Variants in GRK4 observed in about 807,000 individuals in gnomAD.
GRK4 encodes G protein-coupled receptor kinase 4, also known as G protein-coupled receptor kinase 2-like.
Under a neutral mutation model 77.9 loss-of-function variants are expected in GRK4, and 73 were observed. The ratio of observed to expected loss-of-function variants is 0.94; its 90% confidence interval spans 0.78 to 1.14. GRK4 has a LOEUF of 1.14. Ranked by LOEUF, GRK4 falls within the 50% of genes most tolerant of loss-of-function variation. The pLI, the probability that GRK4 is intolerant of heterozygous loss-of-function variation, is 0.00. For missense variants in GRK4, 729 were observed against 700.2 expected (o/e 1.04, Z -0.46); for synonymous variants, 257 against 254.4 (o/e 1.01, Z -0.10).
At chr4:3,022,500 A>C in intron 10 of GRK4, 49 bp downstream of exon 10, 1 of 1,533,642 alleles carries the variant, frequency 6.5e-7, no homozygotes, top group Non-Finnish European at 9.0e-7. Context: ...TGTTAGAGGG[A>C]CTTGGATACA....
intron 2 of GRK4, among the ~76,000 whole-genome samples, chr4:2,986,650 G>A (rs1057185158): frequency 1.3e-5 from 2 of 151,916 alleles, no homozygotes; most frequent in African/African-American, 4.8e-5. Context: ...CACCGCGCCT[G>A]GCCCTCAGTG....
intron 3 of GRK4, among the ~76,000 whole-genome samples, chr4:2,990,314 T>C (rs1323935480): frequency 6.8e-6 from 1 of 146,690 alleles, no homozygotes; most frequent in East Asian, 2.0e-4. Context: ...TGGAGTGCTA[T>C]GGCGTGATCC....
At chr4:2,970,374 T>C (rs968283325) in intron 1 of GRK4, among the ~76,000 whole-genome samples, 4 of 152,162 alleles carry the variant, frequency 2.6e-5, no homozygotes. Flanking sequence ...AAAATAATAT[T>C]CTTGGCCAGG....
intron 14 of GRK4, 100 bp downstream of exon 14, chr4:3,037,611 T>C: frequency 7.3e-7 from 1 of 1,361,526 alleles, no homozygotes; most frequent in South Asian, 1.5e-5. Context: ...CTGTGTGTAT[T>C]TGGGAGATAA....
At chr4:3,010,593 G>A (rs1732630789) in intron 7 of GRK4, among the ~76,000 whole-genome samples, 1 of 152,176 alleles carries the variant, frequency 6.6e-6, no homozygotes, top group African/African-American at 2.4e-5. Context: ...ATGGAGAACA[G>A]CAGCAGTTCT....
At chr4:3,005,624 G>A (rs1037342396) in intron 5 of GRK4, among the ~76,000 whole-genome samples, 3 of 152,052 alleles carry the variant, frequency 2.0e-5, no homozygotes, top group African/African-American at 7.2e-5. Context: ...CCCACATAGA[G>A]AAACCCCATC....
intron 4 of GRK4, among the ~76,000 whole-genome samples, chr4:2,994,897 C>T (rs935714421): frequency 6.6e-6 from 1 of 152,180 alleles, no homozygotes; most frequent in Admixed American, 6.6e-5. Context: ...AAGCTTAGCA[C>T]CCTTTAGTTA....
At position 3,035,501 on chromosome 4, in the gene GRK4, T is replaced by C. The variant is rs1413044830; in HGVS notation, c.1385T>C (p.Leu462Pro). The C allele has an allele frequency of 4.3e-6, 7 of 1,613,944 alleles. No individual in the cohort carries two copies. The highest frequency in any genetic ancestry group is 5.9e-6 in the Non-Finnish European group (7 of 1,179,928). Residue 462 changes from leucine (L) to proline (P), a missense_variant, in exon 13 of 16, where the codon CTG becomes CCG. Coordinates refer to ENST00000398052, the MANE Select transcript of GRK4 (RefSeq NM_182982.3). Reference protein sequence around the residue: ...INFRRLEANMLEPPFCPDPHA... With the variant: ...INFRRLEANMPEPPFCPDPHA... ...TTCAGGAGGCTGGAGGCAAACATGC[T>C]GGAGCCCCCTTTCTGTCCTGATGTA...
intron 8 of GRK4, among the ~76,000 whole-genome samples, chr4:3,015,573 G>T (rs1282439808): frequency 7.9e-5 from 12 of 151,880 alleles, no homozygotes; most frequent in Admixed American, 7.9e-4. Flanking sequence ...TACTCAGGAG[G>T]CTGAGGCAGG....
At chr4:2,993,412 G>A (rs113538937) in intron 4 of GRK4, among the ~76,000 whole-genome samples, 6,836 of 152,252 alleles carry the variant, frequency 0.045, 222 homozygotes, top group African/African-American at 0.091. Flanking sequence ...GGTGGCTCAC[G>A]CCTGTAACCC....
At chr4:2,988,648 G>A (rs2051555) in intron 2 of GRK4, 79 bp from the exon 3 acceptor site, 247,873 of 756,760 alleles carry the variant, frequency 0.33, 44,009 homozygotes, top group African/African-American at 0.5. Context: ...TATCGAGTGA[G>A]AACTGTAAGG....
At chr4:2,964,657 C>T (rs1320498688) in intron 1 of GRK4, among the ~76,000 whole-genome samples, 5 of 152,110 alleles carry the variant, frequency 3.3e-5, no homozygotes, top group East Asian at 3.8e-4. Flanking sequence ...TGCTTTAGCA[C>T]GACGTGGTCA....
At position 2,985,740 on chromosome 4, in the gene GRK4, C is replaced by G. The variant is rs373143107; in HGVS notation, c.148+1132C>G. 6.8e-5 allele frequency: 22 copies of G among 323,900 alleles called. No individual in the cohort carries two copies. In the Admixed American group the frequency reaches 8.0e-4, roughly 12 times the overall value. The allele number at this position is 323,900 out of a possible 1,614,324, so 20.1% of individuals were successfully genotyped here. On this transcript the variant is annotated intron_variant, in intron 2 of 15. Transcript: ENST00000398052. ...AAGGCCGGGTGTGGTGGCTCACGCC[C>G]GTAATCCCAGCACTTTGGGAGACTG...
intron 10 of GRK4, among the ~76,000 whole-genome samples, chr4:3,024,806 C>T (rs1057176336): frequency 9.9e-5 from 15 of 151,868 alleles, no homozygotes; most frequent in Non-Finnish European, 1.8e-4. Context: ...TGCAGTGAGC[C>T]GAGATTGCAC....
chr4:2,964,180 A>T (rs952238862), intron 1 of GRK4, 58 bp downstream of exon 1: 1 of 1,297,886 alleles, frequency 7.7e-7, no homozygotes, highest in East Asian at 3.7e-5. Flanking sequence ...ATCCCGGGGA[A>T]CCCTGGCCCC....
intron 1 of GRK4, among the ~76,000 whole-genome samples, chr4:2,980,120 GAC>G (rs1722449352): frequency 6.6e-6 from 1 of 152,202 alleles, no homozygotes; most frequent in Non-Finnish European, 1.5e-5. Context: ...CCAGCTGCCT[GAC>G]CCTCCACAGG....
intron 1 of GRK4, among the ~76,000 whole-genome samples, chr4:2,982,763 A>G (rs958994324): frequency 6.6e-6 from 1 of 152,174 alleles, no homozygotes; most frequent in Non-Finnish European, 1.5e-5. Context: ...TTCAGTGCCT[A>G]CTGCTTCTCT....
At chr4:2,994,274 G>A (rs1297337719) in intron 4 of GRK4, among the ~76,000 whole-genome samples, 1 of 152,160 alleles carries the variant, frequency 6.6e-6, no homozygotes, top group African/African-American at 2.4e-5. Flanking sequence ...GCAGTGGCAC[G>A]ATCTTGGCTC....
intron 1 of GRK4, chr4:2,965,369 G>T (rs867767048): frequency 1.6e-5 from 11 of 703,000 alleles, no homozygotes; most frequent in Middle Eastern, 2.3e-4. Flanking sequence ...GAGAGCTGGC[G>T]ACAGAGCCTC....
Sources: allele counts gnomAD v4.1 joint callset (sites outside exome capture counted in the v4.1 genomes callset), GRCh38; gene constraint gnomAD v4.1.1; transcripts MANE v1.5; gene names NCBI Gene and HGNC (gene_info 2026-07-23, HGNC 2026-07-21).